Variants in PDS5B observed in about 807,000 individuals in gnomAD.
The protein encoded by PDS5B is sister chromatid cohesion protein PDS5 homolog B.
PDS5B carries 51 observed loss-of-function variants against 184.1 expected under a neutral mutation model. The observed-to-expected ratio is 0.28, with a 90% CI of 0.22 to 0.35. The LOEUF (loss-of-function observed/expected upper bound fraction) is 0.35, where lower values mean the gene tolerates loss of function less well. PDS5B is among the 10% of genes least tolerant of loss of function. The pLI is 1.00. For synonymous variants in PDS5B, 566 were observed against 569.2 expected, an observed-to-expected ratio of 0.99 and a Z score of 0.08; for missense variants, 1,180 against 1,723.3, an observed-to-expected ratio of 0.68 and a Z score of 5.58.
rs1035730098 is a variant in PDS5B, at chr13:32,683,520, G to T, written c.1058-358G>T. 4.0e-5 allele frequency among the ~76,000 whole-genome samples: 6 copies of T among 151,508 alleles called. No individual in the cohort carries two copies. In the East Asian group the frequency reaches 9.8e-4, roughly 25 times the overall value. ...TTTTTAATAGAGAAGGGGCTTATCCGTGTTGGTCAGGCTGGTCTTGAACTC... is the reference window on the plus strand; with the variant it reads ...TTTTTAATAGAGAAGGGGCTTATCCTTGTTGGTCAGGCTGGTCTTGAACTC... On this transcript the variant is annotated intron_variant, in intron 10 of 34. Coordinates refer to ENST00000315596, the MANE Select transcript of PDS5B (RefSeq NM_015032.4).
In PDS5B at chr13:32,658,466, C is replaced by T; in HGVS notation, c.432C>T (p.Cys144=). Residue 144 remains cysteine (C), a synonymous_variant, in exon 5 of 35, where the codon TGC becomes TGT. Coordinates refer to ENST00000315596, the MANE Select transcript of PDS5B (RefSeq NM_015032.4). ...NIAWVKSYNI[C]FELEDSNEIF... ...CTTGGGTCAAGTCATATAACATATG[C>T]TTTGAGTTAGAAGATAGCAATGAAA... 6.3e-7 allele frequency: 1 copy of T among 1,585,408 alleles called. No homozygotes were observed. The highest frequency in any genetic ancestry group is 1.3e-5 in the African/African-American group (1 of 74,472).
intron 1 of PDS5B, among the ~76,000 whole-genome samples, chr13:32,607,336 T>C (rs1407493705): frequency 3.3e-5 from 5 of 152,264 alleles, no homozygotes; most frequent in African/African-American, 9.6e-5. Flanking sequence ...CTCTAGACCC[T>C]GTTTGCCTGG....
chr13:32,758,725 A>C, intron 28 of PDS5B, 72 bp downstream of exon 28: 1 of 1,468,242 alleles, frequency 6.8e-7, no homozygotes. Context: ...TAGGAAGATC[A>C]GGAAGGATCA....
intron 6 of PDS5B, among the ~76,000 whole-genome samples, chr13:32,664,695 C>T (rs1479516324): frequency 6.6e-6 from 1 of 151,960 alleles, no homozygotes; most frequent in Admixed American, 6.6e-5. Context: ...AAAACCCTGT[C>T]TCTAGAAAAA....
chr13:32,760,746 T>A, intron 30 of PDS5B, 26 bp downstream of exon 30: 1 of 1,602,766 alleles, frequency 6.2e-7, no homozygotes, highest in Non-Finnish European at 8.5e-7. Context: ...ATGCCACAAT[T>A]TACATTTAAG....
chr13:32,723,985 C>T (rs1043416935), intron 19 of PDS5B, among the ~76,000 whole-genome samples: 2 of 152,168 alleles, frequency 1.3e-5, no homozygotes, highest in Non-Finnish European at 2.9e-5. Flanking sequence ...TTTTCTGTGC[C>T]TCCACACACT....
chr13:32,746,339 A>AT (rs1953742327), intron 24 of PDS5B, among the ~76,000 whole-genome samples: 1 of 152,220 alleles, frequency 6.6e-6, no homozygotes, highest in Non-Finnish European at 1.5e-5. Flanking sequence ...TATCACAGGC[A>AT]TTCAGTTAGC....
rs1954850770 is a variant in PDS5B at position 32,773,240 on chromosome 13, A to G, written c.4224A>G (p.Glu1408=). The change falls in exon 34 of 35, where the codon GAA becomes GAG. Residue 1408 remains glutamate, a synonymous_variant. Coordinates refer to ENST00000315596, the MANE Select transcript of PDS5B (RefSeq NM_015032.4). Reference sequence around the variant, plus strand: ...CTACTAAGGAAAATGATTCAAGTGAAGAAGTAGATGTGTTTCAGGGTAGCT... The same window carrying G: ...CTACTAAGGAAAATGATTCAAGTGAGGAAGTAGATGTGTTTCAGGGTAGCT... ...QAATKENDSS[E]EVDVFQGSSP... is the part of the protein sequence containing the mutation. 1 of 1,613,208 alleles carries G rather than the reference A, an allele frequency of 6.2e-7. No individual in the cohort carries two copies. Among genetic ancestry groups the G allele is most frequent in the African/African-American group, 1.3e-5 (1 of 74,898 alleles).
intron 25 of PDS5B, among the ~76,000 whole-genome samples, chr13:32,755,388 CTTG>C (rs1464620532): frequency 3.9e-5 from 6 of 152,118 alleles, no homozygotes; most frequent in African/African-American, 1.4e-4. Flanking sequence ...GTATCAACCT[CTTG>C]TTGTTCCATA....
At chr13:32,722,187 T>TC (rs1284941788) in intron 19 of PDS5B, among the ~76,000 whole-genome samples, 5 of 152,240 alleles carry the variant, frequency 3.3e-5, no homozygotes, top group African/African-American at 4.8e-5. Context: ...AAACCCCGTC[T>TC]CCACCAAAAA....
chr13:32,684,104 A>G (rs1951322073), intron 11 of PDS5B, 81 bp downstream of exon 11: 1 of 641,902 alleles, frequency 1.6e-6, no homozygotes, highest in Non-Finnish European at 2.4e-6. Context: ...ATATTTAAAT[A>G]TACATATTTA....
At chr13:32,773,888 C>T (rs369535186) in intron 34 of PDS5B, among the ~76,000 whole-genome samples, 2 of 152,276 alleles carry the variant, frequency 1.3e-5, no homozygotes, top group East Asian at 3.9e-4. Flanking sequence ...AGTGCAACCT[C>T]TGCCTCCCAG....
intron 6 of PDS5B, among the ~76,000 whole-genome samples, chr13:32,665,843 T>A (rs1290817034): frequency 6.6e-6 from 1 of 152,072 alleles, no homozygotes; most frequent in Non-Finnish European, 1.5e-5. Flanking sequence ...AAAATGAAAT[T>A]CTGTCATTTG....
intron 3 of PDS5B, among the ~76,000 whole-genome samples, chr13:32,656,273 C>CTTTTTTTTTTTTTTTTTTTTT (rs71071057): frequency 3.1e-5 from 3 of 96,788 alleles, no homozygotes; most frequent in African/African-American, 4.0e-5. Flanking sequence ...TCTCCAGCTT[C>CTTTTTTTTTTTTTTTTTTTTT]TTTTTTTTTT....
At position 32,684,026 on chromosome 13, in the gene PDS5B, A is replaced by G. The variant is rs1396269151; in HGVS notation, c.1203+3A>G. 43 of 1,420,738 alleles carry G rather than the reference A, an allele frequency of 3.0e-5. No homozygotes were observed. The highest frequency in any genetic ancestry group is 4.1e-5 in the Non-Finnish European group (43 of 1,037,208). The allele number at this position is 1,420,738 out of a possible 1,614,324, so 88.0% of individuals were successfully genotyped here. On this transcript the variant is annotated splice_donor_region_variant and intron_variant, in intron 11 of 34. Coordinates refer to ENST00000315596, the MANE Select transcript of PDS5B (RefSeq NM_015032.4). ...GAGAGAGAACATTAGACAAACGAGT[A>G]AGTATGAATAAATAATTATTACTAA...
intron 1 of PDS5B, among the ~76,000 whole-genome samples, chr13:32,590,063 G>C (rs1271557873): frequency 2.0e-5 from 3 of 152,120 alleles, no homozygotes; most frequent in Non-Finnish European, 4.4e-5. Flanking sequence ...AAATTTATTT[G>C]TTCAAATCTT....
intron 15 of PDS5B, among the ~76,000 whole-genome samples, chr13:32,697,200 T>C (rs1951731494): frequency 1.3e-5 from 2 of 152,232 alleles, no homozygotes; most frequent in South Asian, 4.1e-4. Context: ...ATATACCTAA[T>C]AACTACATAC....
At chr13:32,731,175 T>C (rs1953109124) in intron 19 of PDS5B, among the ~76,000 whole-genome samples, 1 of 152,222 alleles carries the variant, frequency 6.6e-6, no homozygotes, top group Non-Finnish European at 1.5e-5. Flanking sequence ...TATATTTCTT[T>C]TAATGATACT....
chr13:32,760,845 C>T (rs1185609918), intron 30 of PDS5B, 125 bp downstream of exon 30: 11 of 904,788 alleles, frequency 1.2e-5, no homozygotes, highest in Non-Finnish European at 1.8e-5. Flanking sequence ...TTAATTTTTC[C>T]ATTTAACATT....
Sources: gnomAD v4.1 joint callset for allele counts (sites outside exome capture counted in the v4.1 genomes callset) on GRCh38, gnomAD v4.1.1 for gene constraint, MANE v1.5 for transcripts, NCBI Gene and HGNC (gene_info 2026-07-23, HGNC 2026-07-21) for gene names.